SLC20A2: variants seen among roughly 807,000 people sequenced by gnomAD.
SLC20A2 encodes the protein solute carrier family 20 member 2.
In SLC20A2, 30 loss-of-function variants were observed where a neutral mutation model predicts 61.0. The ratio of observed to expected loss-of-function variants is 0.49; its 90% CI spans 0.37 to 0.67. The LOEUF is 0.67. Among genes scored for constraint, SLC20A2 ranks in the 30% least tolerant of loss-of-function variants. The pLI, the probability that SLC20A2 is intolerant of heterozygous loss-of-function variation, is 0.00. For synonymous variants in SLC20A2, 351 were observed against 353.3 expected (o/e 0.99, Z 0.07); for missense variants, 626 against 866.4 (o/e 0.72, Z 3.48).
Position 42,472,345 on chromosome 8 carries a change from T to C in SLC20A2, c.46A>G (p.Ile16Val), listed in dbSNP as rs1159235341. ...ACAGAAAAGGCCAAGATGAAAGCTA[T>C]GATGAAACCCAAAATGACCATCCAC... is the stretch of plus-strand genomic sequence containing the variant. ...YLWMVILGFI[I>V]AFILAFSVGA... Residue 16 changes from isoleucine to valine, a missense_variant, in exon 2 of 11, where the codon ATA becomes GTA. Around this residue, in one of 3 missense-constraint regions of SLC20A2, gnomAD observed 127 missense variants for 215.4 expected, o/e 0.59. Coordinates refer to ENST00000520262, the MANE Select transcript of SLC20A2 (RefSeq NM_001257180.2). The surrounding 1 kb of genome is among the most constrained non-coding windows in gnomAD (Gnocchi z 4.1). The C allele has an allele frequency of 6.2e-7, 1 of 1,614,172 alleles. No homozygotes were observed. The highest frequency in any genetic ancestry group is 1.1e-5 in the South Asian group (1 of 91,082).
intron 1 of SLC20A2, among the ~76,000 whole-genome samples, chr8:42,524,962 T>C (rs533283665): frequency 1.3e-5 from 2 of 152,200 alleles, no homozygotes; most frequent in Non-Finnish European, 2.9e-5. Flanking sequence ...TGCTAAAGCA[T>C]GATGATTTCT....
chr8:42,499,123 C>A (rs181664286), intron 1 of SLC20A2, among the ~76,000 whole-genome samples: 3 of 152,232 alleles, frequency 2.0e-5, no homozygotes, highest in Admixed American at 6.5e-5. Flanking sequence ...GGGAGACGTG[C>A]GGTCACCTGC....
At chr8:42,440,214 C>G (rs1266681387) in intron 6 of SLC20A2, among the ~76,000 whole-genome samples, 1 of 151,990 alleles carries the variant, frequency 6.6e-6, no homozygotes, top group Non-Finnish European at 1.5e-5. Context: ...TATCCAAAAA[C>G]AACAACCAAA....
chr8:42,438,585 T>C (rs1431880329), intron 7 of SLC20A2, among the ~76,000 whole-genome samples: 2 of 152,170 alleles, frequency 1.3e-5, no homozygotes, highest in Non-Finnish European at 2.9e-5. Context: ...GCACCTGTGG[T>C]AGGCAGGTGC....
chr8:42,432,940 T>C (rs370419431), intron 8 of SLC20A2, among the ~76,000 whole-genome samples: 1 of 152,218 alleles, frequency 6.6e-6, no homozygotes, highest in African/African-American at 2.4e-5. Flanking sequence ...TGTTTTATTG[T>C]AGTGGTCTGG....
chr8:42,461,573 C>G (rs925480678), intron 4 of SLC20A2, among the ~76,000 whole-genome samples: 1 of 151,900 alleles, frequency 6.6e-6, no homozygotes, highest in Non-Finnish European at 1.5e-5. Flanking sequence ...GCTTCCGCCT[C>G]CCAAGTAGCT....
rs202113480 is a variant in SLC20A2, at chr8:42,492,095, G to A, written c.-265+8936C>T. On this transcript the variant is annotated intron_variant, in intron 1 of 10. Coordinates refer to ENST00000520262, the MANE Select transcript of SLC20A2 (RefSeq NM_001257180.2). Reference sequence around the variant, plus strand: ...CACTGGGCTGGGTGCGGTGGCTCACGTCTGTAATCCCAGCACTTTGGGAGG... The same window carrying A: ...CACTGGGCTGGGTGCGGTGGCTCACATCTGTAATCCCAGCACTTTGGGAGG... Among the ~76,000 whole-genome samples the A allele has an allele frequency of 5.3e-5, 8 of 152,274 alleles. No individual in the cohort carries two copies. In the East Asian group the frequency reaches 7.7e-4, roughly 15 times the overall value.
intron 1 of SLC20A2, among the ~76,000 whole-genome samples, chr8:42,517,127 TCTC>T (rs1304963268): frequency 6.6e-6 from 1 of 152,168 alleles, no homozygotes; most frequent in Non-Finnish European, 1.5e-5. Context: ...ATTAGTCATC[TCTC>T]CTAATTTTAT....
chr8:42,418,774 G>A (rs1448625558), intron 10 of SLC20A2, among the ~76,000 whole-genome samples: 6 of 151,884 alleles, frequency 4.0e-5, no homozygotes, highest in African/African-American at 1.2e-4. Flanking sequence ...TGAGGTGGGC[G>A]GATCACGAGG....
chr8:42,451,292 T>C (rs13251201), intron 5 of SLC20A2, among the ~76,000 whole-genome samples: 8,942 of 134,896 alleles, frequency 0.066, 404 homozygotes, highest in Non-Finnish European at 0.09. Context: ...AGAGAAGAGA[T>C]GGAGGAGGAG....
At chr8:42,439,424 A>G in intron 7 of SLC20A2, 26 bp downstream of exon 7, 1 of 1,611,474 alleles carries the variant, frequency 6.2e-7, no homozygotes, top group South Asian at 1.1e-5. Context: ...CTGCCACAGA[A>G]CCCAAGCTCT....
chr8:42,504,877 A>AAAAAAC, upstream of SLC20A2, among the ~76,000 whole-genome samples: 1 of 146,088 alleles, frequency 6.8e-6, no homozygotes, highest in Non-Finnish European at 1.5e-5. Flanking sequence ...AAAAAAAAAA[A>AAAAAAC]AAAAAAAAAG....
chr8:42,517,381 A>C (rs1563542486), intron 1 of SLC20A2, among the ~76,000 whole-genome samples: 1 of 151,216 alleles, frequency 6.6e-6, no homozygotes, highest in Non-Finnish European at 1.5e-5. Context: ...AAAAAAAAAA[A>C]CAATAATAAA....
At chr8:42,496,478 A>G (rs766830954) in intron 1 of SLC20A2, among the ~76,000 whole-genome samples, 1 of 152,310 alleles carries the variant, frequency 6.6e-6, no homozygotes, top group African/African-American at 2.4e-5. Flanking sequence ...GGGGACTCCT[A>G]GGAGTAACTG....
chr8:42,485,293 C>G (rs575954832), intron 1 of SLC20A2, among the ~76,000 whole-genome samples: 6 of 152,130 alleles, frequency 3.9e-5, no homozygotes, highest in Non-Finnish European at 8.8e-5. Context: ...AAAGCACCCC[C>G]CTCCAAAAAA....
chr8:42,506,778 G>A (rs1206295829), intron 1 of SLC20A2, among the ~76,000 whole-genome samples: 1 of 152,174 alleles, frequency 6.6e-6, no homozygotes, highest in Admixed American at 6.5e-5. Context: ...TCATGTGTCT[G>A]GGCAGATGGC....
chr8:42,517,754 A>G (rs1202532431), intron 1 of SLC20A2, among the ~76,000 whole-genome samples: 1 of 152,204 alleles, frequency 6.6e-6, no homozygotes, highest in East Asian at 1.9e-4. Context: ...AATATCCAGA[A>G]GGAGTCAATT....
rs1379091490 is a variant in SLC20A2, at chr8:42,417,844, C to G, written c.1918G>C (p.Val640Leu). Residue 640 changes from valine (V) to leucine (L), a missense_variant, in exon 11 of 11, where the codon GTC (valine) becomes CTC (leucine). Physicochemically the swap from Val to Leu is conservative, Grantham distance 32. Transcript: ENST00000520262. ...ATCCCATACATGAGAAGAGCCATGA[C>G]AGCAGCGCTGAACAGCCCAGCCACA... ...VPVAGLFSAA[V>L]MALLMYGILP... is the part of the protein sequence containing the mutation. 6 of 1,614,140 alleles carry G rather than the reference C, an allele frequency of 3.7e-6. No individual in the cohort carries two copies. The Admixed American group carries it at 1.0e-4, about 27-fold the overall frequency.
chr8:42,425,825 G>A lies in SLC20A2; in HGVS notation c.1794+2933C>T, dbSNP rs548449250. Among the ~76,000 whole-genome samples the A allele has an allele frequency of 4.0e-5, 6 of 151,848 alleles. No individual in the cohort carries two copies. In the East Asian group the frequency reaches 1.2e-3, roughly 29 times the overall value. On this transcript the variant is annotated intron_variant, in intron 10 of 10. Coordinates refer to ENST00000520262, the MANE Select transcript of SLC20A2 (RefSeq NM_001257180.2). The stretch of plus-strand genomic sequence containing the variant: ...TGGGAGGCTGAGGCGGGCGGATCAC[G>A]AGGTCAGGAGATCGAGACCATCCTG...
Sources: allele counts gnomAD v4.1 joint callset (sites outside exome capture counted in the v4.1 genomes callset), GRCh38; gene constraint gnomAD v4.1.1; regional missense constraint gnomAD v4.1.1; non-coding constraint Gnocchi (gnomAD v3.1); transcripts MANE v1.5; gene names NCBI Gene and HGNC (gene_info 2026-07-23, HGNC 2026-07-21).